The following CFAP299 variants were observed in gnomAD, a reference collection of about 807,000 sequenced individuals.
CFAP299 encodes the protein cilia- and flagella-associated protein 299.
A neutral mutation model predicts 27.0 loss-of-function variants in CFAP299; 21 were observed. That is an observed-to-expected ratio of 0.78 (90% CI 0.55 to 1.12). The LOEUF is 1.12. Among genes scored for constraint, CFAP299 ranks in the 50% most tolerant of loss-of-function variants. The pLI is 0.00. For missense variants in CFAP299, 310 were observed against 276.6 expected, an observed-to-expected ratio of 1.12 and a Z score of -0.86; for synonymous variants, 104 against 98.1, an observed-to-expected ratio of 1.06 and a Z score of -0.36.
At chr4:80,647,165 T>C (rs1385002201) in intron 3 of CFAP299, among the ~76,000 whole-genome samples, 1 of 152,138 alleles carries the variant, frequency 6.6e-6, no homozygotes, top group African/African-American at 2.4e-5. Flanking sequence ...ACATAAGTTC[T>C]AAAAAGGAAT....
chr4:80,679,107 T>A (rs1241447110), intron 3 of CFAP299, among the ~76,000 whole-genome samples: 1 of 152,098 alleles, frequency 6.6e-6, no homozygotes, highest in African/African-American at 2.4e-5. Flanking sequence ...TCTAGGCTGC[T>A]CTTCATCTCT....
At chr4:80,419,355 AG>A (rs1727174673) in intron 2 of CFAP299, among the ~76,000 whole-genome samples, 1 of 152,162 alleles carries the variant, frequency 6.6e-6, no homozygotes, top group African/African-American at 2.4e-5. Flanking sequence ...GTGCTTGGGA[AG>A]GGAGGAATGC....
intron 2 of CFAP299, among the ~76,000 whole-genome samples, chr4:80,561,433 C>T (rs1331445258): frequency 6.6e-6 from 1 of 152,106 alleles, no homozygotes; most frequent in Non-Finnish European, 1.5e-5. Context: ...AGCATCAGTG[C>T]TATCCAGGAA....
At chr4:80,859,993 T>A (rs2110157434) in intron 3 of CFAP299, among the ~76,000 whole-genome samples, 1 of 152,318 alleles carries the variant, frequency 6.6e-6, no homozygotes, top group South Asian at 2.1e-4. Flanking sequence ...CTGGATAATA[T>A]CCTGCAGAGT....
chr4:80,503,563 C>G (rs905527376), intron 2 of CFAP299, among the ~76,000 whole-genome samples: 1 of 152,074 alleles, frequency 6.6e-6, no homozygotes, highest in African/African-American at 2.4e-5. Flanking sequence ...CCTGATTCCT[C>G]CATATATAAC....
At chr4:80,726,832 TACC>T (rs1409233305) in intron 3 of CFAP299, among the ~76,000 whole-genome samples, 1 of 152,182 alleles carries the variant, frequency 6.6e-6, no homozygotes, top group Admixed American at 6.5e-5. Flanking sequence ...TTTACAGTAT[TACC>T]ACAACACCCA....
intron 3 of CFAP299, among the ~76,000 whole-genome samples, chr4:80,690,363 C>T (rs1402402914): frequency 6.6e-6 from 1 of 152,122 alleles, no homozygotes; most frequent in African/African-American, 2.4e-5. Context: ...ACAGTGAAAT[C>T]AAACTAGAAC....
chr4:80,594,500 G>GT (rs920901202), intron 3 of CFAP299, among the ~76,000 whole-genome samples: 30 of 152,222 alleles, frequency 2.0e-4, no homozygotes, highest in Admixed American at 9.8e-4. Context: ...CATATCATTA[G>GT]TTTTTTATTT....
At chr4:80,600,687 T>TTTG (rs905142072) in intron 3 of CFAP299, among the ~76,000 whole-genome samples, 90 of 152,166 alleles carry the variant, frequency 5.9e-4, no homozygotes, top group African/African-American at 2.0e-3. Context: ...AGGTCAGTTT[T>TTTG]TTGTTGTTGT....
intron 3 of CFAP299, among the ~76,000 whole-genome samples, chr4:80,632,363 A>G (rs557223108): frequency 1.3e-5 from 2 of 152,294 alleles, no homozygotes; most frequent in Admixed American, 1.3e-4. Flanking sequence ...CAATAAATAT[A>G]CATTTATTCA....
chr4:80,673,927 G>T (rs1358428980), intron 3 of CFAP299, among the ~76,000 whole-genome samples: 1 of 151,282 alleles, frequency 6.6e-6, no homozygotes, highest in Non-Finnish European at 1.5e-5. Flanking sequence ...TTTGCACATG[G>T]GATGGGTCTC....
chr4:80,325,791 T>C, the CFAP299 span, among the ~76,000 whole-genome samples: 1 of 152,230 alleles, frequency 6.6e-6, no homozygotes, highest in Admixed American at 6.5e-5. Flanking sequence ...AATAGTCCTA[T>C]TTTCTAGGTA....
Position 80,955,031 on chromosome 4 carries a change from A to C in CFAP299, c.607-8486A>C, listed in dbSNP as rs4693759. 1.5e-3 allele frequency among the ~76,000 whole-genome samples: 44 copies of C among 29,596 alleles called. 18 individuals are homozygous for C. Among genetic ancestry groups the C allele is most frequent in the Admixed American group, 0.011 (31 of 2,932 alleles). 19.4% of individuals were successfully genotyped at this position (29,596 alleles called of 152,430 possible). A position where few individuals can be genotyped will look rare whatever the true frequency, so the allele number is the denominator to read the frequency against. ...AAAAAAAAAAAAAAAAAAAAAAAAA[A>C]AAACGCACACATGGCCATATACAGA... On this transcript the variant is annotated intron_variant, in intron 5 of 5. Coordinates refer to ENST00000358105, the MANE Select transcript of CFAP299 (RefSeq NM_152770.3).
rs565456685 is a variant in CFAP299, at chr4:80,938,698, C to T, written c.477-6112C>T. Among the ~76,000 whole-genome samples the T allele has an allele frequency of 9.9e-5, 15 of 152,234 alleles. 1 individual carries two copies. Among genetic ancestry groups the T allele is most frequent in the Admixed American group, 2.0e-4 (3 of 15,274 alleles). ...AGGGTCTCCCCGACTGAGCTGGCCTCGGCAATTCTGAATTAGAGTATGTAC... is the reference window on the plus strand; with the variant it reads ...AGGGTCTCCCCGACTGAGCTGGCCTTGGCAATTCTGAATTAGAGTATGTAC... On this transcript the variant is annotated intron_variant, in intron 4 of 5. Transcript: ENST00000358105.
At chr4:80,749,390 A>G (rs909617298) in intron 3 of CFAP299, among the ~76,000 whole-genome samples, 1 of 152,200 alleles carries the variant, frequency 6.6e-6, no homozygotes, top group Non-Finnish European at 1.5e-5. Flanking sequence ...GAAAATACTT[A>G]CATTAGTCTG....
chr4:80,838,534 C>T (rs10031019), intron 3 of CFAP299, among the ~76,000 whole-genome samples: 4,179 of 152,144 alleles, frequency 0.027, 131 homozygotes, highest in East Asian at 0.14. Context: ...TCCCCCATTG[C>T]TTGCTTTTTG....
intron 2 of CFAP299, among the ~76,000 whole-genome samples, chr4:80,483,775 A>G (rs1372528116): frequency 1.3e-5 from 2 of 152,162 alleles, no homozygotes; most frequent in Non-Finnish European, 2.9e-5. Flanking sequence ...CAGACCTTTC[A>G]ATTTTTGTTG....
intron 3 of CFAP299, among the ~76,000 whole-genome samples, chr4:80,669,811 A>T (rs1430000575): frequency 1.3e-5 from 2 of 151,918 alleles, no homozygotes; most frequent in African/African-American, 4.8e-5. Context: ...TCTTCAGTAC[A>T]ATGATAGCTG....
At chr4:80,733,657 A>G (rs1723675664) in intron 3 of CFAP299, among the ~76,000 whole-genome samples, 1 of 151,798 alleles carries the variant, frequency 6.6e-6, no homozygotes, top group Non-Finnish European at 1.5e-5. Flanking sequence ...TCTAATCTCA[A>G]TCTCCAGAAC....
Sources: gnomAD v4.1 joint callset for allele counts (sites outside exome capture counted in the v4.1 genomes callset) on GRCh38, gnomAD v4.1.1 for gene constraint, MANE v1.5 for transcripts, NCBI Gene and HGNC (gene_info 2026-07-23, HGNC 2026-07-21) for gene names.